Variants in STX3 observed in about 807,000 individuals in gnomAD.
STX3 encodes syntaxin-3.
In STX3, 19 loss-of-function variants were observed where a neutral mutation model predicts 40.2. The observed-to-expected ratio is 0.47, with a 90% CI of 0.33 to 0.69. The LOEUF (loss-of-function observed/expected upper bound fraction) is 0.69. STX3 is among the 30% of genes least tolerant of loss of function. STX3 has a pLI of 0.02. For missense variants in STX3, 364 were observed against 366.7 expected (o/e 0.99, Z 0.06); for synonymous variants, 122 against 132.2 (o/e 0.92, Z 0.53).
intron 9 of STX3, chr11:59,795,693 A>G: frequency 2.6e-6 from 4 of 1,536,902 alleles, no homozygotes; most frequent in Non-Finnish European, 3.5e-6. Context: ...GCTGTCAAGT[A>G]TCAGAGTGAA....
chr11:59,794,533 T>C (rs1388868752), intron 8 of STX3, among the ~76,000 whole-genome samples: 1 of 152,158 alleles, frequency 6.6e-6, no homozygotes, highest in Non-Finnish European at 1.5e-5. Flanking sequence ...TCTGAGACCA[T>C]TTCTCAAGTC....
chr11:59,756,982 C>G (rs369599128), intron 1 of STX3, among the ~76,000 whole-genome samples: 2 of 152,250 alleles, frequency 1.3e-5, no homozygotes, highest in Middle Eastern at 3.4e-3. Context: ...AGCAGGGCTG[C>G]GGAGGAGGCA....
At chr11:59,791,459 A>G (rs922602292) in intron 5 of STX3, among the ~76,000 whole-genome samples, 2 of 152,184 alleles carry the variant, frequency 1.3e-5, no homozygotes, top group African/African-American at 4.8e-5. Context: ...AAAGCCGTTT[A>G]CAAGTGGGAA....
intron 1 of STX3, among the ~76,000 whole-genome samples, chr11:59,762,384 G>C (rs1863081459): frequency 6.6e-6 from 1 of 152,226 alleles, no homozygotes; most frequent in African/African-American, 2.4e-5. Context: ...TTATGCATTA[G>C]TTTTCTCAGC....
At chr11:59,794,626 C>G (rs541910132) in intron 8 of STX3, among the ~76,000 whole-genome samples, 2 of 152,234 alleles carry the variant, frequency 1.3e-5, no homozygotes, top group East Asian at 3.9e-4. Flanking sequence ...GTGCCTTGTT[C>G]TGTTTACAGA....
chr11:59,790,511 C>T lies in STX3; in HGVS notation c.290-8C>T. On this transcript the variant is annotated splice_region_variant and splice_polypyrimidine_tract_variant and intron_variant, in intron 4 of 10. Coordinates refer to ENST00000337979, the MANE Select transcript of STX3 (RefSeq NM_004177.5). ...AGGTTGCAAGTATAACCTTCCTCTC[C>T]TCTTTAGGCATGGAGAAGCATATTG... The T allele has an allele frequency of 3.1e-6, 5 of 1,611,944 alleles. No homozygotes were observed. The highest frequency in any genetic ancestry group is 1.1e-5 in the South Asian group (1 of 91,034).
At chr11:59,792,612 G>A (rs541137814) in intron 6 of STX3, among the ~76,000 whole-genome samples, 4 of 152,304 alleles carry the variant, frequency 2.6e-5, no homozygotes, top group East Asian at 1.9e-4. Flanking sequence ...AATAAATAAA[G>A]CCATACCCTT....
At chr11:59,781,111 C>A (rs1590792963) in intron 2 of STX3, among the ~76,000 whole-genome samples, 1 of 121,924 alleles carries the variant, frequency 8.2e-6, no homozygotes, top group African/African-American at 3.5e-5. Context: ...TATATTAGCA[C>A]AAACACATTT....
intron 1 of STX3, among the ~76,000 whole-genome samples, chr11:59,765,811 CAAACAAACAAACA>C (rs1490212369): frequency 6.6e-6 from 1 of 152,134 alleles, no homozygotes; most frequent in Non-Finnish European, 1.5e-5. Flanking sequence ...CTCAAACAAA[CAAACAAACAAACA>C]AAACAAACAA....
chr11:59,786,916 A>G (rs754352241), intron 2 of STX3, 121 bp from the exon 3 acceptor site: 12 of 771,238 alleles, frequency 1.6e-5, no homozygotes, highest in Non-Finnish European at 2.4e-5. Flanking sequence ...TTAAGTCATT[A>G]TCTTCTTCCA....
intron 2 of STX3, among the ~76,000 whole-genome samples, chr11:59,778,594 G>A (rs759721671): frequency 4.6e-5 from 7 of 152,308 alleles, no homozygotes; most frequent in East Asian, 3.9e-4. Flanking sequence ...GTGAAAATGC[G>A]TTGTCACAGA....
chr11:59,766,798 C>A (rs1863305074), intron 1 of STX3, among the ~76,000 whole-genome samples: 1 of 152,178 alleles, frequency 6.6e-6, no homozygotes, highest in Admixed American at 6.5e-5. Flanking sequence ...TAAGCTTGAG[C>A]CCTGTTTCGG....
intron 5 of STX3, among the ~76,000 whole-genome samples, 199 bp downstream of exon 5, chr11:59,790,785 C>T (rs1865095471): frequency 6.6e-6 from 1 of 152,148 alleles, no homozygotes; most frequent in Admixed American, 6.5e-5. Context: ...TACTCTCCTT[C>T]TCTAAGGAGG....
chr11:59,797,455 T>C (rs1865591748), intron 10 of STX3, 59 bp downstream of exon 10: 1 of 1,300,584 alleles, frequency 7.7e-7, no homozygotes. Flanking sequence ...GGAAATTAGC[T>C]TGGGATTTCA....
At chr11:59,790,664 T>C in intron 5 of STX3, 78 bp downstream of exon 5, 1 of 1,092,154 alleles carries the variant, frequency 9.2e-7, no homozygotes, top group Non-Finnish European at 1.4e-6. Context: ...GATTTTTTTT[T>C]TTTAATACAA....
At chr11:59,768,332 C>G (rs1444908939) in intron 1 of STX3, among the ~76,000 whole-genome samples, 3 of 152,084 alleles carry the variant, frequency 2.0e-5, no homozygotes, top group African/African-American at 4.8e-5. Context: ...AGATACTATC[C>G]CTGACTTCAG....
chr11:59,781,742 G>A (rs374689464), intron 2 of STX3: 201 of 1,571,986 alleles, frequency 1.3e-4, no homozygotes, highest in African/African-American at 2.2e-4. Context: ...GCGGGCTGGC[G>A]TGCAGAGAGC....
intron 8 of STX3, among the ~76,000 whole-genome samples, chr11:59,793,807 A>ATTT (rs67072921): frequency 7.4e-6 from 1 of 134,416 alleles, no homozygotes; most frequent in Non-Finnish European, 1.6e-5. Context: ...TGGATTTTTG[A>ATTT]TTTTTTTTTT....
At chr11:59,800,792 CCTT>C (rs1379564708) in intron 10 of STX3, 60 bp from the exon 11 acceptor site, 3 of 1,535,062 alleles carry the variant, frequency 2.0e-6, no homozygotes, top group Admixed American at 3.9e-5. Context: ...GTGGCTGACT[CCTT>C]CTGTTGCCCT....
Sources: gnomAD v4.1 joint callset for allele counts (sites outside exome capture counted in the v4.1 genomes callset) on GRCh38, gnomAD v4.1.1 for gene constraint, MANE v1.5 for transcripts, NCBI Gene and HGNC (gene_info 2026-07-23, HGNC 2026-07-21) for gene names.